The following IL34 variants were observed in gnomAD, a reference collection of about 807,000 sequenced individuals.
IL34 encodes interleukin-34.
IL34 carries 17 observed loss-of-function variants against 25.3 expected under a neutral mutation model. The observed-to-expected ratio is 0.67, with a 90% CI of 0.46 to 1.01. IL34 has a LOEUF of 1.01. Ranked by LOEUF, IL34 falls within the 50% of genes least tolerant of loss-of-function variation. The pLI, the probability that IL34 is intolerant of heterozygous loss-of-function variation, is 0.00. For missense variants in IL34, 368 were observed against 312.9 expected (o/e 1.18, Z -1.33); for synonymous variants, 174 against 140.9 (o/e 1.23, Z -1.66).
intron 1 of IL34, among the ~76,000 whole-genome samples, chr16:70,612,710 G>T (rs906290351): frequency 6.6e-6 from 1 of 152,150 alleles, no homozygotes; most frequent in Admixed American, 6.5e-5. Context: ...GGAGCCTTTG[G>T]GGCTCAGGAG....
At chr16:70,593,954 G>C (rs944437951) in intron 1 of IL34, among the ~76,000 whole-genome samples, 2 of 152,150 alleles carry the variant, frequency 1.3e-5, no homozygotes, top group African/African-American at 4.8e-5. Context: ...ATTTGTGTGA[G>C]TCTATTCTTG....
At chr16:70,646,360 G>A (rs913906736), upstream of IL34, among the ~76,000 whole-genome samples, 1 of 152,152 alleles carries the variant, frequency 6.6e-6, no homozygotes, top group Non-Finnish European at 1.5e-5. Context: ...GCCAGCTGGT[G>A]TCATCATAAC....
chr16:70,641,683 T>A (rs12919974), upstream of IL34, among the ~76,000 whole-genome samples: 1 of 151,350 alleles, frequency 6.6e-6, no homozygotes, highest in African/African-American at 2.4e-5. Context: ...CTTCCCACCT[T>A]AGCCTCCCTA....
intron 1 of IL34, among the ~76,000 whole-genome samples, chr16:70,622,373 A>G: frequency 6.6e-6 from 1 of 151,966 alleles, no homozygotes; most frequent in East Asian, 1.9e-4. Flanking sequence ...GGAGGCCTGA[A>G]TAATCCCTGA....
intron 1 of IL34, among the ~76,000 whole-genome samples, chr16:70,602,776 G>T (rs531016870): frequency 6.6e-6 from 1 of 152,080 alleles, no homozygotes. Context: ...CTGAGCTCAA[G>T]GGATCCTCCT....
chr16:70,646,914 C>T lies in IL34; in HGVS notation c.-34C>T, dbSNP rs374367865. 5.6e-5 allele frequency: 83 copies of T among 1,480,506 alleles called. No homozygotes were observed. In the Middle Eastern group the frequency reaches 8.7e-4, roughly 16 times the overall value. 91.7% of individuals were successfully genotyped at this position (1,480,506 alleles called of 1,614,324 possible). A position where few individuals can be genotyped will look rare whatever the true frequency, so the allele number is the denominator to read the frequency against. ...TCTGTGGACACACTGCTGGGGACGGCGCCTGAGCTCTCAGGGGGACGAGGA... is the reference window on the plus strand; with the variant it reads ...TCTGTGGACACACTGCTGGGGACGGTGCCTGAGCTCTCAGGGGGACGAGGA... On this transcript the variant is annotated 5_prime_UTR_variant, in exon 1 of 6. Coordinates refer to ENST00000288098, the MANE Select transcript of IL34 (RefSeq NM_001393494.1).
At chr16:70,585,247 C>T (rs1338559793) in intron 1 of IL34, among the ~76,000 whole-genome samples, 3 of 152,100 alleles carry the variant, frequency 2.0e-5, no homozygotes, top group Non-Finnish European at 4.4e-5. Flanking sequence ...TTTCACTTAG[C>T]ATAATGTCCT....
intron 1 of IL34, among the ~76,000 whole-genome samples, chr16:70,638,519 C>G (rs937979804): frequency 2.0e-5 from 3 of 152,116 alleles, no homozygotes; most frequent in African/African-American, 7.2e-5. Context: ...CTTCTGACCC[C>G]CCCACTCTCT....
intron 1 of IL34, among the ~76,000 whole-genome samples, chr16:70,625,491 G>T (rs1353642964): frequency 6.6e-6 from 1 of 152,126 alleles, no homozygotes; most frequent in Non-Finnish European, 1.5e-5. Flanking sequence ...CCCCAGAAAA[G>T]CAGAGAAGGG....
Position 70,656,626 on chromosome 16 carries a change from A to C in IL34, c.187A>C (p.Lys63Gln). The change falls in exon 3 of 6, where the codon AAG (lysine) becomes CAG (glutamine). Residue 63 changes from lysine (K) to glutamine (Q), a missense_variant. Lys to Gln is a moderately conservative substitution (Grantham distance 53). Transcript: ENST00000288098. ...GAAACACTACTTCCCCATCAACTACAAGATCAGTGTGCCTTACGAGGGGGT... is the reference window on the plus strand; with the variant it reads ...GAAACACTACTTCCCCATCAACTACCAGATCAGTGTGCCTTACGAGGGGGT... ...YMKHYFPINY[K>Q]ISVPYEGVFR... 7.0e-7 allele frequency: 1 copy of C among 1,431,366 alleles called. No homozygotes were observed. The highest frequency in any genetic ancestry group is 9.9e-7 in the Non-Finnish European group (1 of 1,013,064). The allele number at this position is 1,431,366 out of a possible 1,614,324, so 88.7% of individuals were successfully genotyped here. A position where few individuals can be genotyped will look rare whatever the true frequency, so the allele number is the denominator to read the frequency against.
intron 1 of IL34, among the ~76,000 whole-genome samples, chr16:70,632,888 G>C (rs759135745): frequency 6.6e-6 from 1 of 152,154 alleles, no homozygotes; most frequent in African/African-American, 2.4e-5. Context: ...CCAGCTTGCT[G>C]TTTCCAACCA....
At chr16:70,644,963 A>G (rs1340455565), upstream of IL34, among the ~76,000 whole-genome samples, 4 of 128,986 alleles carry the variant, frequency 3.1e-5, no homozygotes, top group Non-Finnish European at 6.5e-5. Context: ...GAGGAGGAGG[A>G]AGGAGGAAGA....
rs190342108 is a variant in IL34 at position 70,622,737 on chromosome 16, T to C, written c.-400-23811T>C. Among the ~76,000 whole-genome samples the C allele has an allele frequency of 1.3e-3, 196 of 152,144 alleles. 1 individual carries two copies. Among genetic ancestry groups the C allele is most frequent in the Admixed American group, 0.012 (190 of 15,276 alleles). ...GTGGGACTTAAAGAGTGAGTACAGC[T>C]GAAGGAGCCGGGGAGCAGAAAGTAT... On this transcript the variant is annotated intron_variant, in intron 1 of 6. Coordinates refer to the IL34 transcript ENST00000429149.
intron 1 of IL34, among the ~76,000 whole-genome samples, chr16:70,626,550 C>G (rs1038404603): frequency 6.6e-6 from 1 of 152,162 alleles, no homozygotes; most frequent in Non-Finnish European, 1.5e-5. Context: ...GCATGCGCCA[C>G]CACGCCCGGC....
intron 1 of IL34, among the ~76,000 whole-genome samples, chr16:70,605,969 G>T (rs8055707): frequency 0.039 from 4,764 of 123,216 alleles, 285 homozygotes; most frequent in East Asian, 0.23. Flanking sequence ...ACCGCACCTG[G>T]TTTTTTTTTT....
intron 1 of IL34, among the ~76,000 whole-genome samples, chr16:70,631,089 C>G (rs567746385): frequency 1.3e-5 from 2 of 152,298 alleles, no homozygotes; most frequent in South Asian, 4.1e-4. Context: ...GATGCAAAAT[C>G]CATGGACGCA....
intron 1 of IL34, among the ~76,000 whole-genome samples, chr16:70,630,903 A>T (rs8056766): frequency 0.016 from 2,499 of 152,098 alleles, 74 homozygotes; most frequent in African/African-American, 0.058. Flanking sequence ...GCTGATGGGC[A>T]CTCAGTTTGC....
chr16:70,623,762 G>A (rs370944063), intron 1 of IL34, among the ~76,000 whole-genome samples: 21 of 151,412 alleles, frequency 1.4e-4, no homozygotes, highest in East Asian at 9.7e-4. Context: ...AAAGTGTCTC[G>A]GCCTAATAAG....
At chr16:70,650,412 T>C (rs2052050091) in intron 1 of IL34, among the ~76,000 whole-genome samples, 1 of 152,008 alleles carries the variant, frequency 6.6e-6, no homozygotes, top group Admixed American at 6.6e-5. Flanking sequence ...GCCCACCGTG[T>C]CAGGCTGGGA....
Sources: gnomAD v4.1 joint callset for allele counts (sites outside exome capture counted in the v4.1 genomes callset) on GRCh38, gnomAD v4.1.1 for gene constraint, MANE v1.5 for transcripts, NCBI Gene and HGNC (gene_info 2026-07-23, HGNC 2026-07-21) for gene names.